The following ANKRD55 variants were observed in gnomAD, a reference collection of about 807,000 sequenced individuals.
ANKRD55 encodes the protein ankyrin repeat domain 55.
Under a neutral mutation model 60.6 loss-of-function variants are expected in ANKRD55, and 41 were observed. The observed-to-expected ratio is 0.68, with a 90% CI of 0.53 to 0.88. The LOEUF (loss-of-function observed/expected upper bound fraction) is 0.88, where lower values mean the gene tolerates loss of function less well. Among genes scored for constraint, ANKRD55 ranks in the 40% least tolerant of loss-of-function variants. ANKRD55 has a pLI of 0.00. For synonymous variants in ANKRD55, 264 were observed against 290.3 expected, an observed-to-expected ratio of 0.91 and a Z score of 0.92; for missense variants, 732 against 767.6, an observed-to-expected ratio of 0.95 and a Z score of 0.55.
chr5:56,212,228 A>C (rs1489513630), intron 2 of ANKRD55, among the ~76,000 whole-genome samples: 1 of 152,214 alleles, frequency 6.6e-6, no homozygotes, highest in Non-Finnish European at 1.5e-5. Context: ...ATATAAAGAT[A>C]CTTTGGTTGG....
intron 8 of ANKRD55, among the ~76,000 whole-genome samples, chr5:56,120,937 A>G (rs1757029707): frequency 6.6e-6 from 1 of 151,076 alleles, no homozygotes; most frequent in Non-Finnish European, 1.5e-5. Flanking sequence ...TGACAAGAGC[A>G]TAAAGGACCA....
intron 2 of ANKRD55, chr5:56,192,935 C>T (rs1759136104): frequency 1.6e-6 from 1 of 627,450 alleles, no homozygotes. Context: ...TAAAGACTTC[C>T]GTGCTGTGGG....
At position 56,116,363 on chromosome 5, in the gene ANKRD55, C is replaced by G. The variant is rs185506530; in HGVS notation, c.965+252G>C. On this transcript the variant is annotated intron_variant, in intron 9 of 11. Coordinates refer to ENST00000341048, the MANE Select transcript of ANKRD55 (RefSeq NM_024669.3). ...GAAAAGGAAAGAAGAGATTCAAGTT[C>G]AGTGAATATTAGGCTGATGGATTTG... 4.9e-3 allele frequency among the ~76,000 whole-genome samples: 747 copies of G among 152,260 alleles called. 7 individuals are homozygous for G. Among genetic ancestry groups the G allele is most frequent in the African/African-American group, 0.017 (702 of 41,554 alleles).
intron 2 of ANKRD55, among the ~76,000 whole-genome samples, chr5:56,226,932 A>T (rs1760127168): frequency 6.6e-6 from 1 of 152,204 alleles, no homozygotes; most frequent in Non-Finnish European, 1.5e-5. Flanking sequence ...CAGTGTGGTG[A>T]TTTGTCAAGG....
chr5:56,108,638 A>G (rs1161608789), intron 10 of ANKRD55, among the ~76,000 whole-genome samples: 1 of 152,256 alleles, frequency 6.6e-6, no homozygotes, highest in African/African-American at 2.4e-5. Context: ...GGCTTCAGGC[A>G]CTGGGCACAT....
rs1757278563 is a variant in ANKRD55 at position 56,126,966 on chromosome 5, T to C, written c.753A>G (p.Ala251=). The C allele has an allele frequency of 6.2e-7, 1 of 1,613,762 alleles. No individual in the cohort carries two copies. The highest frequency in any genetic ancestry group is 1.3e-5 in the African/African-American group (1 of 74,910). The change falls in exon 8 of 12, where the codon GCA becomes GCG. Residue 251 remains alanine, a synonymous_variant. Transcript: ENST00000341048. ...CCTGCAGGTTACACTCAGGGACTCT[T>C]GCCAGCTCATGAATAATATCGCTGA... The part of the protein sequence containing the change: ...AGFSDIIHEL[A]RVPECNLQAL...
chr5:56,181,904 A>G (rs1758857175), intron 3 of ANKRD55, among the ~76,000 whole-genome samples: 1 of 152,152 alleles, frequency 6.6e-6, no homozygotes, highest in Non-Finnish European at 1.5e-5. Context: ...CTATTTCTGT[A>G]TATTACTGAA....
At chr5:56,156,053 C>CTCT (rs1425457017) in intron 6 of ANKRD55, among the ~76,000 whole-genome samples, 1 of 151,976 alleles carries the variant, frequency 6.6e-6, no homozygotes, top group Non-Finnish European at 1.5e-5. Context: ...AAATGAGAAC[C>CTCT]AGAGATGAGG....
At chr5:56,205,207 C>T (rs189885371) in intron 2 of ANKRD55, among the ~76,000 whole-genome samples, 1 of 152,046 alleles carries the variant, frequency 6.6e-6, no homozygotes, top group South Asian at 2.1e-4. Flanking sequence ...ATTACAGGTG[C>T]CTGCCACCAT....
At chr5:56,207,104 T>A (rs1457715965) in intron 2 of ANKRD55, among the ~76,000 whole-genome samples, 1 of 152,128 alleles carries the variant, frequency 6.6e-6, no homozygotes, top group Non-Finnish European at 1.5e-5. Context: ...TATCCTCTCC[T>A]CCCCTTCCCC....
intron 2 of ANKRD55, among the ~76,000 whole-genome samples, chr5:56,217,359 A>G (rs985736041): frequency 6.6e-6 from 1 of 152,214 alleles, no homozygotes; most frequent in African/African-American, 2.4e-5. Context: ...GTACAAGGAG[A>G]TTAATGTTGT....
intron 2 of ANKRD55, among the ~76,000 whole-genome samples, chr5:56,225,327 C>T (rs571164283): frequency 2.1e-3 from 315 of 152,196 alleles, no homozygotes; most frequent in Non-Finnish European, 3.4e-3. Context: ...ATTGATGGGA[C>T]GTATCTCAAA....
intron 6 of ANKRD55, among the ~76,000 whole-genome samples, chr5:56,155,809 C>A (rs1276704295): frequency 1.2e-4 from 18 of 149,352 alleles, no homozygotes; most frequent in Admixed American, 1.1e-3. Flanking sequence ...CGCACCATAC[C>A]ACTGCACTGT....
At chr5:56,105,247 A>C (rs1362041664) in intron 10 of ANKRD55, among the ~76,000 whole-genome samples, 1 of 151,882 alleles carries the variant, frequency 6.6e-6, no homozygotes, top group African/African-American at 2.4e-5. Context: ...CCACCACACC[A>C]GGCTAATTTT....
In ANKRD55 at chr5:56,127,056, C is replaced by T. The variant is rs748211795; in HGVS notation, c.663G>A (p.Pro221=). The T allele has an allele frequency of 2.5e-5, 40 of 1,613,542 alleles. No individual in the cohort carries two copies. Among genetic ancestry groups the T allele is most frequent in the South Asian group, 7.7e-5 (7 of 90,914 alleles). Reference sequence around the variant, plus strand: ...TCTCATCATCATAGTTGATTATGGACGGCCCCTGGTGATGGCTCAGAATGA... The same window carrying T: ...TCTCATCATCATAGTTGATTATGGATGGCCCCTGGTGATGGCTCAGAATGA... The part of the protein sequence containing the change: ...CSIILSHHQG[P]SIINYDDESG... Residue 221 remains proline, a synonymous_variant, in exon 8 of 12, where the codon CCG becomes CCA. Transcript: ENST00000341048.
At chr5:56,115,075 C>T (rs1756846131) in intron 9 of ANKRD55, among the ~76,000 whole-genome samples, 1 of 151,756 alleles carries the variant, frequency 6.6e-6, no homozygotes, top group Non-Finnish European at 1.5e-5. Flanking sequence ...TGGCACATGC[C>T]TAAAGTCCCA....
chr5:56,193,379 G>T (rs947981494), intron 2 of ANKRD55: 2 of 695,778 alleles, frequency 2.9e-6, no homozygotes, highest in Non-Finnish European at 5.0e-6. Flanking sequence ...TTTAATAAAG[G>T]TTATCTACCT....
At chr5:56,111,826 A>T (rs755813965) in intron 9 of ANKRD55, 44 bp from the exon 10 acceptor site, 10 of 1,436,370 alleles carry the variant, frequency 7.0e-6, no homozygotes, top group Middle Eastern at 2.6e-4. Flanking sequence ...GAGTATGGGA[A>T]GTAGAGACAT....
At position 56,202,256 on chromosome 5, in the gene ANKRD55, A is replaced by G. The variant is rs185176714; in HGVS notation, c.59-18622T>C. 4.1e-4 allele frequency among the ~76,000 whole-genome samples: 62 copies of G among 152,228 alleles called. 1 individual carries two copies. The highest frequency in any genetic ancestry group is 7.8e-4 in the Admixed American group (12 of 15,290). ...CAGCAAACAACCATGGCACACATTT[A>G]CCTATGTAACAAACCTGCACATCCT... On this transcript the variant is annotated intron_variant, in intron 2 of 11. Coordinates refer to ENST00000341048, the MANE Select transcript of ANKRD55 (RefSeq NM_024669.3).
Sources: allele counts gnomAD v4.1 joint callset (sites outside exome capture counted in the v4.1 genomes callset), GRCh38; gene constraint gnomAD v4.1.1; transcripts MANE v1.5; gene names NCBI Gene and HGNC (gene_info 2026-07-23, HGNC 2026-07-21).